Variants in CACHD1 observed in about 807,000 individuals in gnomAD.
The protein encoded by CACHD1 is cache domain containing 1, also known as VWFA and cache domain-containing protein 1.
Under a neutral mutation model 138.7 loss-of-function variants are expected in CACHD1, and 71 were observed. The observed-to-expected ratio is 0.51, with a 90% CI of 0.42 to 0.62. The LOEUF is 0.62. Ranked by LOEUF, CACHD1 falls within the 20% of genes least tolerant of loss-of-function variation. CACHD1 has a pLI of 0.00. For missense variants in CACHD1, 1,389 were observed against 1,625.3 expected (o/e 0.85, Z 2.50); for synonymous variants, 578 against 591.5 (o/e 0.98, Z 0.33).
At position 64,676,988 on chromosome 1, in the gene CACHD1, G is replaced by T. The variant is rs775093318; in HGVS notation, c.3069G>T (p.Arg1023Ser). The T allele has an allele frequency of 3.1e-6, 5 of 1,613,566 alleles. No individual in the cohort carries two copies. The African/African-American group carries it at 6.7e-5, about 22-fold the overall frequency. ...QDALHQCVNS[R>S]CSQRLESGDC... ...CTCTTCACCAGTGTGTCAACAGCAG[G>T]TGCAGTCAGAGGCTGGAAAGTGGGT... Residue 1023 changes from arginine (R) to serine (S), a missense_variant, in exon 22 of 27, where the codon AGG becomes AGT. Physicochemically the swap from Arg to Ser is moderately radical, Grantham distance 110. This residue lies in a region of CACHD1 where 250 missense variants were observed against 292.9 expected (regional missense o/e 0.85). Coordinates refer to ENST00000651257, the MANE Select transcript of CACHD1 (RefSeq NM_020925.4).
chr1:64,521,942 C>T (rs887740060), intron 1 of CACHD1, among the ~76,000 whole-genome samples: 1 of 151,210 alleles, frequency 6.6e-6, no homozygotes, highest in Non-Finnish European at 1.5e-5. Context: ...TGATGGCATC[C>T]TTTGATGCAC....
chr1:64,609,963 G>A (rs1647470785), intron 4 of CACHD1, among the ~76,000 whole-genome samples: 1 of 151,898 alleles, frequency 6.6e-6, no homozygotes, highest in African/African-American at 2.4e-5. Context: ...GGCTGGGGAG[G>A]CCTCAGGAAA....
intron 1 of CACHD1, among the ~76,000 whole-genome samples, chr1:64,536,894 C>T (rs969943457): frequency 2.0e-5 from 3 of 152,138 alleles, no homozygotes; most frequent in Admixed American, 6.5e-5. Flanking sequence ...TCTATTCTGT[C>T]TCTGTGGGGT....
chr1:64,536,556 A>G (rs1646634307), intron 1 of CACHD1, among the ~76,000 whole-genome samples: 1 of 152,204 alleles, frequency 6.6e-6, no homozygotes, highest in Non-Finnish European at 1.5e-5. Flanking sequence ...TACATGACGA[A>G]TTAGCATGGT....
Position 64,652,240 on chromosome 1 carries a change from T to A in CACHD1, c.1470T>A (p.Ala490=). 6.2e-7 allele frequency: 1 copy of A among 1,613,894 alleles called. No homozygotes were observed. Among genetic ancestry groups the A allele is most frequent in the Non-Finnish European group, 8.5e-7 (1 of 1,179,802 alleles). The change falls in exon 10 of 27, where the codon GCT becomes GCA. Residue 490 remains alanine, a synonymous_variant. Coordinates refer to ENST00000651257, the MANE Select transcript of CACHD1 (RefSeq NM_020925.4). The stretch of plus-strand genomic sequence containing the variant: ...TTGTAGGTGTGGACGTGAATCTGGC[T>A]TACATTCTTGAAGACGTGACGTATT... ...LGIVGVDVNL[A]YILEDVTYYQ...
intron 16 of CACHD1, 47 bp downstream of exon 16, chr1:64,666,214 A>T (rs1649628019): frequency 7.7e-7 from 1 of 1,291,010 alleles, no homozygotes; most frequent in South Asian, 1.3e-5. Context: ...TATATCAAGG[A>T]TATTTTGGAA....
At chr1:64,607,409 G>A (rs1051287008) in intron 4 of CACHD1, among the ~76,000 whole-genome samples, 1 of 152,202 alleles carries the variant, frequency 6.6e-6, no homozygotes, top group African/African-American at 2.4e-5. Context: ...GTCAAGGGTT[G>A]TTTGGTAGAA....
At chr1:64,525,415 G>A (rs1251764922) in intron 1 of CACHD1, among the ~76,000 whole-genome samples, 1 of 152,074 alleles carries the variant, frequency 6.6e-6, no homozygotes, top group African/African-American at 2.4e-5. Context: ...TTCCTCCCCG[G>A]TAAGATGAGC....
In CACHD1 at chr1:64,653,770, T is replaced by G; in HGVS notation, c.1553T>G (p.Met518Arg). Residue 518 changes from methionine to arginine, a missense_variant, in exon 11 of 27, where the codon ATG (methionine) becomes AGG (arginine). This residue lies in a region of CACHD1 where 1,000 missense variants were observed against 1,114.7 expected (regional missense o/e 0.90). Coordinates refer to ENST00000651257, the MANE Select transcript of CACHD1 (RefSeq NM_020925.4). ...FLIDDKGYTL[M>R]HPSLTRPYLL... is the part of the protein sequence containing the mutation. ...TTTCTTATTGCAGGATATACACTTA[T>G]GCACCCATCTCTTACCAGGCCATAT... 1 of 1,613,388 alleles carries G rather than the reference T, an allele frequency of 6.2e-7. No individual in the cohort carries two copies. The highest frequency in any genetic ancestry group is 8.5e-7 in the Non-Finnish European group (1 of 1,179,452).
chr1:64,577,490 T>C (rs1646977509), intron 2 of CACHD1, among the ~76,000 whole-genome samples: 1 of 152,002 alleles, frequency 6.6e-6, no homozygotes, highest in Non-Finnish European at 1.5e-5. Flanking sequence ...AGAGAAGCAA[T>C]GTTGAGTAAA....
At chr1:64,593,662 T>TC (rs1458470058) in intron 3 of CACHD1, among the ~76,000 whole-genome samples, 1 of 152,174 alleles carries the variant, frequency 6.6e-6, no homozygotes, top group Admixed American at 6.5e-5. Flanking sequence ...ATCTCACACT[T>TC]CCATTTCCAA....
chr1:64,553,551 G>A (rs1023742019), intron 2 of CACHD1, among the ~76,000 whole-genome samples: 3 of 152,158 alleles, frequency 2.0e-5, no homozygotes, highest in Admixed American at 6.5e-5. Context: ...AATTAAGCTG[G>A]CTTTTAAAAC....
At chr1:64,539,216 C>T (rs528498297) in intron 1 of CACHD1, among the ~76,000 whole-genome samples, 1 of 152,238 alleles carries the variant, frequency 6.6e-6, no homozygotes, top group African/African-American at 2.4e-5. Context: ...AAAGTGGGTG[C>T]CTGGCCCTGA....
At chr1:64,589,914 C>G (rs1647084272) in intron 3 of CACHD1, among the ~76,000 whole-genome samples, 1 of 152,160 alleles carries the variant, frequency 6.6e-6, no homozygotes, top group Non-Finnish European at 1.5e-5. Flanking sequence ...CTAAACCTAT[C>G]ATTAAAATTA....
intron 1 of CACHD1, among the ~76,000 whole-genome samples, chr1:64,535,381 A>G (rs1646624277): frequency 1.4e-5 from 2 of 148,090 alleles, no homozygotes; most frequent in Admixed American, 1.3e-4. Flanking sequence ...GCTGGAGTGC[A>G]ATGGCATGAT....
At chr1:64,681,557 T>TTTTTTTTTTTTTTTTTTTTTG (rs1650191276) in intron 25 of CACHD1, among the ~76,000 whole-genome samples, 1 of 138,284 alleles carries the variant, frequency 7.2e-6, no homozygotes, top group African/African-American at 2.6e-5. Context: ...TTTTTTTTTT[T>TTTTTTTTTTTTTTTTTTTTTG]TTTTTTTGCA....
At chr1:64,471,828 C>A (rs1240326667) in intron 1 of CACHD1, among the ~76,000 whole-genome samples, 2 of 152,024 alleles carry the variant, frequency 1.3e-5, no homozygotes, top group African/African-American at 4.8e-5. Context: ...AGTAAGGAAT[C>A]CTGATGATGT....
chr1:64,671,057 A>C (rs1027421039), intron 16 of CACHD1, among the ~76,000 whole-genome samples: 8 of 152,116 alleles, frequency 5.3e-5, no homozygotes, highest in Admixed American at 5.2e-4. Context: ...AGTCAACCTT[A>C]ATGTTGTGGG....
chr1:64,551,557 A>G (rs995237118), intron 2 of CACHD1, among the ~76,000 whole-genome samples: 1 of 152,240 alleles, frequency 6.6e-6, no homozygotes, highest in African/African-American at 2.4e-5. Context: ...GCTTCCACAG[A>G]ATAGAAAGAT....
Sources: allele counts gnomAD v4.1 joint callset (sites outside exome capture counted in the v4.1 genomes callset), GRCh38; gene constraint gnomAD v4.1.1; regional missense constraint gnomAD v4.1.1; transcripts MANE v1.5; gene names NCBI Gene and HGNC (gene_info 2026-07-23, HGNC 2026-07-21).